Variants in FBXL17 observed in about 807,000 individuals in gnomAD.
The protein encoded by FBXL17 is F-box and leucine rich repeat protein 17.
FBXL17 carries 22 observed loss-of-function variants against 66.2 expected under a neutral mutation model. The ratio of observed to expected loss-of-function variants is 0.33; its 90% confidence interval spans 0.24 to 0.47. The LOEUF (loss-of-function observed/expected upper bound fraction) is 0.47, where lower values mean the gene tolerates loss of function less well. FBXL17 is among the 20% of genes least tolerant of loss of function. The probability of loss-of-function intolerance (pLI) is 1.00; values close to 1 mark genes in which losing one functional copy is unlikely to be tolerated. For missense variants in FBXL17, 878 were observed against 948.2 expected, an observed-to-expected ratio of 0.93 and a Z score of 0.97; for synonymous variants, 474 against 400.5, an observed-to-expected ratio of 1.18 and a Z score of -2.19.
chr5:107,866,097 T>C (rs1748263383), intron 8 of FBXL17, among the ~76,000 whole-genome samples: 1 of 152,190 alleles, frequency 6.6e-6, no homozygotes. Flanking sequence ...GTTTTTTTTT[T>C]TTAATTTCCC....
At chr5:107,925,459 C>T (rs915833705) in intron 7 of FBXL17, among the ~76,000 whole-genome samples, 1 of 152,224 alleles carries the variant, frequency 6.6e-6, no homozygotes, top group Non-Finnish European at 1.5e-5. Context: ...TCCTGTTGCA[C>T]GTACCTGTCT....
chr5:107,910,574 G>A (rs1749917340), intron 7 of FBXL17, among the ~76,000 whole-genome samples: 1 of 151,948 alleles, frequency 6.6e-6, no homozygotes, highest in African/African-American at 2.4e-5. Context: ...CAATAAAAAA[G>A]AAGAAATATG....
rs1435725776 is a variant in FBXL17 at position 107,860,204 on chromosome 5, A to T, written c.*1516T>A. 2 of 152,660 alleles carry T rather than the reference A, an allele frequency of 1.3e-5. No homozygotes were observed. Among genetic ancestry groups the T allele is most frequent in the Non-Finnish European group, 2.9e-5 (2 of 68,026 alleles). The allele number at this position is 152,660 out of a possible 1,614,324, so 9.5% of individuals were successfully genotyped here. ...TATCTTGTTTCTTACAGCTAATGTC[A>T]TGTTAGCAATGTGAGACTTAAAGAA... On this transcript the variant is annotated 3_prime_UTR_variant, in exon 9 of 9. Coordinates refer to ENST00000542267, the MANE Select transcript of FBXL17 (RefSeq NM_001163315.3).
At chr5:108,130,988 T>C (rs528561371) in intron 6 of FBXL17, among the ~76,000 whole-genome samples, 1 of 152,130 alleles carries the variant, frequency 6.6e-6, no homozygotes, top group African/African-American at 2.4e-5. Flanking sequence ...CTTCAAATTT[T>C]AGAAAAATAG....
intron 6 of FBXL17, among the ~76,000 whole-genome samples, chr5:108,128,471 A>G (rs1323984379): frequency 6.6e-6 from 1 of 152,168 alleles, no homozygotes; most frequent in Admixed American, 6.5e-5. Context: ...ATTACATTAC[A>G]AAAGAAGGTT....
chr5:108,032,538 A>G (rs1366942761), intron 6 of FBXL17, among the ~76,000 whole-genome samples: 1 of 152,130 alleles, frequency 6.6e-6, no homozygotes, highest in Non-Finnish European at 1.5e-5. Flanking sequence ...CACAAGAGAG[A>G]GGCAAATGAA....
intron 6 of FBXL17, among the ~76,000 whole-genome samples, chr5:108,140,500 C>A (rs1196903094): frequency 1.3e-5 from 2 of 152,192 alleles, no homozygotes; most frequent in Non-Finnish European, 2.9e-5. Context: ...CCTCAGGTGA[C>A]AACTTTGCCT....
rs79247079 is a variant in FBXL17 at position 108,245,635 on chromosome 5, G to A, written c.1507-21407C>T. On this transcript the variant is annotated intron_variant, in intron 4 of 8. Transcript: ENST00000542267. ...TAAGATGGAGAATCCACCATCCATC[G>A]TAACTCAGTCCCCTTGGCATAAACA... Among the ~76,000 whole-genome samples the A allele has an allele frequency of 1.1e-3, 171 of 152,234 alleles. 2 individuals are homozygous for A. In the East Asian group the frequency reaches 0.019, roughly 17 times the overall value.
intron 7 of FBXL17, among the ~76,000 whole-genome samples, chr5:108,020,475 C>T (rs955605592): frequency 4.0e-5 from 6 of 151,776 alleles, no homozygotes; most frequent in South Asian, 2.1e-4. Flanking sequence ...ATGGACATTC[C>T]CAATGCTTTC....
intron 6 of FBXL17, among the ~76,000 whole-genome samples, chr5:108,130,988 T>G (rs528561371): frequency 1.3e-5 from 2 of 152,248 alleles, no homozygotes; most frequent in Admixed American, 1.3e-4. Context: ...CTTCAAATTT[T>G]AGAAAAATAG....
At chr5:108,059,305 A>G (rs1747831563) in intron 6 of FBXL17, among the ~76,000 whole-genome samples, 1 of 152,174 alleles carries the variant, frequency 6.6e-6, no homozygotes, top group Non-Finnish European at 1.5e-5. Context: ...GGAGGATAAG[A>G]CTAAATCTCT....
At chr5:108,053,919 T>A (rs1297624710) in intron 6 of FBXL17, among the ~76,000 whole-genome samples, 1 of 152,100 alleles carries the variant, frequency 6.6e-6, no homozygotes, top group Non-Finnish European at 1.5e-5. Flanking sequence ...CACCATGAAA[T>A]ACTATGCAGC....
chr5:108,372,250 T>C (rs1426642274), intron 1 of FBXL17, among the ~76,000 whole-genome samples: 1 of 152,126 alleles, frequency 6.6e-6, no homozygotes, highest in Non-Finnish European at 1.5e-5. Flanking sequence ...AAATTAAAAT[T>C]ACTGAGTCTG....
chr5:107,861,666 C>T lies in FBXL17; in HGVS notation c.*54G>A. Reference sequence around the variant, plus strand: ...CCGAGAGATCAGCTCCCCAAATGTACAATTCTCCTCTGCTCTGCTGAATGA... The same window carrying T: ...CCGAGAGATCAGCTCCCCAAATGTATAATTCTCCTCTGCTCTGCTGAATGA... On this transcript the variant is annotated 3_prime_UTR_variant, in exon 9 of 9. Transcript: ENST00000542267. The T allele has an allele frequency of 6.9e-7, 1 of 1,447,406 alleles. No individual in the cohort carries two copies. Among genetic ancestry groups the T allele is most frequent in the Non-Finnish European group, 9.2e-7 (1 of 1,087,978 alleles). The allele number at this position is 1,447,406 out of a possible 1,614,324, so 89.7% of individuals were successfully genotyped here.
At chr5:107,995,264 T>C (rs1027832658) in intron 7 of FBXL17, among the ~76,000 whole-genome samples, 3 of 152,360 alleles carry the variant, frequency 2.0e-5, no homozygotes, top group South Asian at 4.1e-4. Flanking sequence ...TAAATACATA[T>C]AAAATACAGA....
intron 6 of FBXL17, among the ~76,000 whole-genome samples, chr5:108,182,860 T>A (rs286769): frequency 0.2 from 30,802 of 152,066 alleles, 3,179 homozygotes; most frequent in South Asian, 0.32. Context: ...CCCATCTGTA[T>A]TTAAATGATA....
Position 108,337,938 on chromosome 5 carries a change from G to A in FBXL17, c.1506+10461C>T, listed in dbSNP as rs900223623. 1.6e-4 allele frequency among the ~76,000 whole-genome samples: 24 copies of A among 150,900 alleles called. 2 individuals carry two copies. The highest frequency in any genetic ancestry group is 2.9e-4 in the African/African-American group (12 of 41,008). Reference sequence around the variant, plus strand: ...CACACTTTTTTCCATTAAATTCTTCGCACAAAAAAGCTTAAAACAATGAAA... The same window carrying A: ...CACACTTTTTTCCATTAAATTCTTCACACAAAAAAGCTTAAAACAATGAAA... On this transcript the variant is annotated intron_variant, in intron 4 of 8. Transcript: ENST00000542267.
intron 4 of FBXL17, among the ~76,000 whole-genome samples, chr5:108,253,270 C>T (rs942591444): frequency 6.6e-6 from 1 of 151,974 alleles, no homozygotes; most frequent in African/African-American, 2.4e-5. Flanking sequence ...ATTTTTATTT[C>T]TGTCCTGAGC....
At chr5:108,252,132 G>C (rs1000133576) in intron 4 of FBXL17, among the ~76,000 whole-genome samples, 2 of 152,100 alleles carry the variant, frequency 1.3e-5, no homozygotes, top group African/African-American at 2.4e-5. Flanking sequence ...ATAAAGAAAA[G>C]AGAACTTTTC....
Sources: gnomAD v4.1 joint callset for allele counts (sites outside exome capture counted in the v4.1 genomes callset) on GRCh38, gnomAD v4.1.1 for gene constraint, MANE v1.5 for transcripts, NCBI Gene and HGNC (gene_info 2026-07-23, HGNC 2026-07-21) for gene names.